Variants in ITGA8 observed in about 807,000 individuals in gnomAD.
The protein encoded by ITGA8 is integrin subunit alpha 8, also known as integrin alpha-8.
ITGA8 carries 91 observed loss-of-function variants against 142.3 expected under a neutral mutation model. That is an observed-to-expected ratio of 0.64 (90% confidence interval 0.54 to 0.76). The LOEUF is 0.76. Ranked by LOEUF, ITGA8 falls within the 30% of genes least tolerant of loss-of-function variation. The pLI is 0.00. For synonymous variants in ITGA8, 505 were observed against 485.2 expected, an observed-to-expected ratio of 1.04 and a Z score of -0.54; for missense variants, 1,406 against 1,327.7, an observed-to-expected ratio of 1.06 and a Z score of -0.92.
chr10:15,634,885 G>A (rs2131637349), intron 13 of ITGA8, among the ~76,000 whole-genome samples: 1 of 152,114 alleles, frequency 6.6e-6, no homozygotes, highest in South Asian at 2.1e-4. Context: ...AGGGGGAGCT[G>A]GGGGAAGAGT....
chr10:15,715,637 G>A (rs1835436522), intron 2 of ITGA8, among the ~76,000 whole-genome samples: 3 of 152,204 alleles, frequency 2.0e-5, no homozygotes, highest in Non-Finnish European at 4.4e-5. Context: ...ACCGTGTCTG[G>A]TACATAGTAG....
intron 8 of ITGA8, among the ~76,000 whole-genome samples, chr10:15,664,165 T>C (rs533281076): frequency 9.2e-5 from 14 of 152,194 alleles, no homozygotes; most frequent in Admixed American, 2.0e-4. Flanking sequence ...ATGAAAAAAT[T>C]TGGAGGCACT....
intron 26 of ITGA8, among the ~76,000 whole-genome samples, chr10:15,556,697 G>T (rs1833894953): frequency 1.3e-5 from 2 of 152,112 alleles, no homozygotes; most frequent in Admixed American, 1.3e-4. Flanking sequence ...TCATTTCTTT[G>T]CATTACAAAA....
chr10:15,518,004 G>A (rs758283726), intron 29 of ITGA8, among the ~76,000 whole-genome samples: 15 of 152,148 alleles, frequency 9.9e-5, no homozygotes, highest in Non-Finnish European at 1.5e-4. Flanking sequence ...CACATCCCTC[G>A]GTGCTTGGTG....
intron 13 of ITGA8, among the ~76,000 whole-genome samples, chr10:15,643,436 T>C (rs903267180): frequency 1.3e-5 from 2 of 152,140 alleles, no homozygotes; most frequent in Non-Finnish European, 2.9e-5. Context: ...TGCATCACCA[T>C]GCCCAGCTAA....
chr10:15,632,677 C>T (rs1194638298), intron 13 of ITGA8, among the ~76,000 whole-genome samples: 2 of 152,054 alleles, frequency 1.3e-5, no homozygotes, highest in African/African-American at 4.8e-5. Flanking sequence ...TGAAATCAAT[C>T]ATGGTGAGGA....
At chr10:15,636,204 C>T (rs781287388) in intron 13 of ITGA8, among the ~76,000 whole-genome samples, 3 of 152,094 alleles carry the variant, frequency 2.0e-5, no homozygotes, top group African/African-American at 4.8e-5. Context: ...TATACAATCA[C>T]GTTTAATGGG....
At chr10:15,719,508 C>G in intron 1 of ITGA8, 55 bp downstream of exon 1, 2 of 1,460,310 alleles carry the variant, frequency 1.4e-6, no homozygotes, top group South Asian at 2.7e-5. Context: ...CCGCTGGGAC[C>G]TGACCCGGGA....
intron 28 of ITGA8, among the ~76,000 whole-genome samples, chr10:15,523,923 C>A (rs1370409840): frequency 3.3e-5 from 5 of 152,122 alleles, no homozygotes; most frequent in African/African-American, 1.2e-4. Context: ...CAGAGCGAGC[C>A]TCTGTCTCAA....
intron 24 of ITGA8, among the ~76,000 whole-genome samples, chr10:15,573,242 T>C (rs1817677903): frequency 6.6e-6 from 1 of 152,202 alleles, no homozygotes; most frequent in South Asian, 2.1e-4. Flanking sequence ...ATTTGATGAT[T>C]GCTTTTTGCA....
Position 15,632,455 on chromosome 10 carries a change from T to C in ITGA8, c.1399+11575A>G, listed in dbSNP as rs142573852. Among the ~76,000 whole-genome samples, 132 of 152,348 alleles carry C rather than the reference T, an allele frequency of 8.7e-4. 1 individual carries two copies. Among genetic ancestry groups the C allele is most frequent in the Admixed American group, 7.5e-3 (114 of 15,290 alleles). ...ATAGCTAATCTTTGTTTTGGTCTTT[T>C]CATAAATGCAGCTGTGAGTGTAGAC... On this transcript the variant is annotated intron_variant, in intron 13 of 29. Coordinates refer to ENST00000378076, the MANE Select transcript of ITGA8 (RefSeq NM_003638.3).
At chr10:15,640,875 G>C (rs1330730513) in intron 13 of ITGA8, among the ~76,000 whole-genome samples, 1 of 152,144 alleles carries the variant, frequency 6.6e-6, no homozygotes, top group Non-Finnish European at 1.5e-5. Flanking sequence ...ACAGACAATG[G>C]AACGAGCCAC....
At chr10:15,642,497 AC>A in intron 13 of ITGA8, among the ~76,000 whole-genome samples, 1 of 152,156 alleles carries the variant, frequency 6.6e-6, no homozygotes, top group Non-Finnish European at 1.5e-5. Flanking sequence ...TTCATTAATC[AC>A]CCTGACATTT....
intron 8 of ITGA8, among the ~76,000 whole-genome samples, chr10:15,669,254 T>A (rs1481912098): frequency 3.3e-5 from 5 of 152,228 alleles, no homozygotes; most frequent in African/African-American, 1.2e-4. Context: ...CTCTTCTTGC[T>A]TCATTTCATT....
chr10:15,681,608 C>T (rs757672603), intron 4 of ITGA8, among the ~76,000 whole-genome samples: 2 of 152,208 alleles, frequency 1.3e-5, no homozygotes, highest in East Asian at 1.9e-4. Context: ...TGAGCCCTCA[C>T]ATCCCACACA....
chr10:15,531,222 A>T, intron 27 of ITGA8, 71 bp from the exon 28 acceptor site: 1 of 783,676 alleles, frequency 1.3e-6, no homozygotes, highest in Non-Finnish European at 1.9e-6. Flanking sequence ...CAGCCACCTA[A>T]TTATTTTTGG....
chr10:15,658,944 T>C (rs1284989478), intron 10 of ITGA8, 55 bp downstream of exon 10: 14 of 1,120,620 alleles, frequency 1.2e-5, no homozygotes, highest in Non-Finnish European at 1.7e-5. Flanking sequence ...ATGAATATTA[T>C]AGTCTACTGG....
At chr10:15,643,848 G>A (rs1833913923) in intron 13 of ITGA8, among the ~76,000 whole-genome samples, 182 bp downstream of exon 13, 2 of 152,140 alleles carry the variant, frequency 1.3e-5, no homozygotes, top group Admixed American at 6.5e-5. Context: ...GGAAGCGTGT[G>A]TTTGTCTTTC....
intron 11 of ITGA8, among the ~76,000 whole-genome samples, chr10:15,649,916 A>G (rs999419271): frequency 1.3e-5 from 2 of 152,196 alleles, no homozygotes; most frequent in Non-Finnish European, 2.9e-5. Flanking sequence ...TAGGCTTACC[A>G]CACAATCACA....
Sources: gnomAD v4.1 joint callset for allele counts (sites outside exome capture counted in the v4.1 genomes callset) on GRCh38, gnomAD v4.1.1 for gene constraint, MANE v1.5 for transcripts, NCBI Gene and HGNC (gene_info 2026-07-23, HGNC 2026-07-21) for gene names.